The following NLRP1 variants were observed in gnomAD, a reference collection of about 807,000 sequenced individuals.
NLRP1 encodes NLR family pyrin domain containing 1.
Under a neutral mutation model 136.7 loss-of-function variants are expected in NLRP1, and 94 were observed. That is an observed-to-expected ratio of 0.69 (90% CI 0.58 to 0.82). The LOEUF is 0.82. Among genes scored for constraint, NLRP1 ranks in the 40% least tolerant of loss-of-function variants. NLRP1 has a pLI of 0.00. For missense variants in NLRP1, 1,575 were observed against 1,802.7 expected (o/e 0.87, Z 2.29); for synonymous variants, 690 against 725.1 (o/e 0.95, Z 0.78).
chr17:5,578,114 A>G (rs1046674572), intron 3 of NLRP1, among the ~76,000 whole-genome samples: 2 of 152,242 alleles, frequency 1.3e-5, no homozygotes, highest in African/African-American at 4.8e-5. Flanking sequence ...TTAATTCAAG[A>G]TGGATTAAAG....
chr17:5,542,084 A>C, intron 5 of NLRP1, 57 bp from the exon 6 acceptor site: 2 of 1,528,792 alleles, frequency 1.3e-6, no homozygotes, highest in Non-Finnish European at 1.8e-6. Flanking sequence ...TTCAACAGAC[A>C]CCCATAAGCA....
chr17:5,515,232 AGT>A (rs369801786), intron 16 of NLRP1, among the ~76,000 whole-genome samples, 159 bp from the exon 17 acceptor site: 136 of 152,236 alleles, frequency 8.9e-4, no homozygotes, highest in Middle Eastern at 3.4e-3. Flanking sequence ...ATTCTGCCAG[AGT>A]GGGGATCGGG....
At chr17:5,570,651 C>T (rs1447592846) in intron 3 of NLRP1, among the ~76,000 whole-genome samples, 1 of 152,048 alleles carries the variant, frequency 6.6e-6, no homozygotes, top group African/African-American at 2.4e-5. Flanking sequence ...CAGCTGAATT[C>T]TACCAGACAC....
intron 15 of NLRP1, chr17:5,502,156 T>C (rs1042907360): frequency 3.7e-5 from 13 of 353,044 alleles, no homozygotes; most frequent in Non-Finnish European, 6.0e-5. Flanking sequence ...GAATGAATGA[T>C]GCAGTGAATA....
At chr17:5,533,549 C>CTTTTTTTTTTTTTTT (rs1910600637) in intron 9 of NLRP1, among the ~76,000 whole-genome samples, 165 bp from the exon 10 acceptor site, 3 of 116,546 alleles carry the variant, frequency 2.6e-5, no homozygotes, top group African/African-American at 3.3e-5. Flanking sequence ...GAGTGAGACT[C>CTTTTTTTTTTTTTTT]TGTTTTTTTT....
Position 5,532,889 on chromosome 17 carries a change from C to T in NLRP1, c.3229G>A (p.Asp1077Asn), listed in dbSNP as rs754009366. The T allele has an allele frequency of 8.1e-6, 13 of 1,613,678 alleles. No individual in the cohort carries two copies. The highest frequency in any genetic ancestry group is 2.7e-5 in the African/African-American group (2 of 74,938). ...GGCCCCGTGGGGCCCCAGAAGTCAT[C>T]GTCAGTCCCCAAAGGCTTCGTATGC... ...DLHTKPLGTD[D>N]DFWGPTGPVA... Residue 1077 changes from aspartate to asparagine, a missense_variant, in exon 11 of 17, where the codon GAT (aspartate) becomes AAT (asparagine). Transcript: ENST00000572272.
At chr17:5,523,513 T>G (rs1909160600) in intron 12 of NLRP1, among the ~76,000 whole-genome samples, 1 of 152,134 alleles carries the variant, frequency 6.6e-6, no homozygotes, top group African/African-American at 2.4e-5. Context: ...AGTCTATGAG[T>G]TAGTCAATAA....
At chr17:5,561,090 C>T (rs1003976854) in intron 3 of NLRP1, among the ~76,000 whole-genome samples, 2 of 152,202 alleles carry the variant, frequency 1.3e-5, no homozygotes, top group African/African-American at 4.8e-5. Flanking sequence ...GAGTTTCTCT[C>T]TTGTCACCCA....
At chr17:5,569,928 A>G (rs756463255) in intron 3 of NLRP1, among the ~76,000 whole-genome samples, 3 of 152,206 alleles carry the variant, frequency 2.0e-5, no homozygotes, top group Non-Finnish European at 2.9e-5. Context: ...CTCTTGGACC[A>G]CTGCACAATT....
Position 5,514,572 on chromosome 17 carries a change from G to A in NLRP1, c.*182C>T. On this transcript the variant is annotated 3_prime_UTR_variant, in exon 17 of 17. Coordinates refer to ENST00000572272, the MANE Select transcript of NLRP1 (RefSeq NM_033004.4). ...GAGATGCTGTTAGGCCACCTGGACTGGGGCCCCCTGTGGCATCCCTGGCAT... is the reference window on the plus strand; with the variant it reads ...GAGATGCTGTTAGGCCACCTGGACTAGGGCCCCCTGTGGCATCCCTGGCAT... 1 of 1,437,994 alleles carries A rather than the reference G, an allele frequency of 7.0e-7. No homozygotes were observed. The highest frequency in any genetic ancestry group is 1.5e-5 in the South Asian group (1 of 66,678). 89.1% of individuals were successfully genotyped at this position (1,437,994 alleles called of 1,614,324 possible).
intron 2 of NLRP1, 54 bp from the exon 3 acceptor site, chr17:5,582,116 G>C: frequency 7.2e-7 from 1 of 1,393,686 alleles, no homozygotes; most frequent in East Asian, 2.4e-5. Context: ...TTTTCTTTTA[G>C]GTGCATATAT....
At chr17:5,555,017 T>TCTCACACACA (rs1028827154) in intron 4 of NLRP1, among the ~76,000 whole-genome samples, 3 of 142,344 alleles carry the variant, frequency 2.1e-5, no homozygotes, top group Non-Finnish European at 3.1e-5. Context: ...TGAGATCCCA[T>TCTCACACACA]CACACACACA....
chr17:5,561,426 G>GTTTTT (rs61194384), intron 3 of NLRP1, among the ~76,000 whole-genome samples: 2 of 50,426 alleles, frequency 4.0e-5, no homozygotes, highest in African/African-American at 9.3e-5. Context: ...ATGCCATGTG[G>GTTTTT]TTTTTTTTTT....
chr17:5,584,315 T>C lies in NLRP1; in HGVS notation c.-358A>G. The C allele has an allele frequency of 3.3e-6, 1 of 306,192 alleles. No homozygotes were observed. The highest frequency in any genetic ancestry group is 6.2e-6 in the Non-Finnish European group (1 of 160,218). 19.0% of individuals were successfully genotyped at this position (306,192 alleles called of 1,614,324 possible). On this transcript the variant is annotated 5_prime_UTR_variant, in exon 1 of 17. Transcript: ENST00000572272. ...CACTGTTCTGTGTTCCTCAGATTCT[T>C]CCCTCTCCTGGGTCCTGGACTCCTG...
In NLRP1 at chr17:5,521,516, A is replaced by C. The variant is rs920275998; in HGVS notation, c.3783+8T>G. Reference sequence around the variant, plus strand: ...CCGTGGCCCAGCCTTTCTGGCTCTTAGTGTCACCTTCCGAATGGAGCAGTC... The same window carrying C: ...CCGTGGCCCAGCCTTTCTGGCTCTTCGTGTCACCTTCCGAATGGAGCAGTC... On this transcript the variant is annotated splice_region_variant and intron_variant, in intron 13 of 16. Coordinates refer to ENST00000572272, the MANE Select transcript of NLRP1 (RefSeq NM_033004.4). The C allele has an allele frequency of 4.3e-6, 7 of 1,610,508 alleles. No homozygotes were observed. The highest frequency in any genetic ancestry group is 5.9e-6 in the Non-Finnish European group (7 of 1,177,742).
intron 16 of NLRP1, 66 bp downstream of exon 16, chr17:5,515,405 TCC>T: frequency 7.6e-7 from 1 of 1,314,934 alleles, no homozygotes; most frequent in East Asian, 2.3e-5. Flanking sequence ...TCTCTTCCCT[TCC>T]CCCAGAACCA....
chr17:5,569,505 CATCA>C (rs1915655197), intron 3 of NLRP1, among the ~76,000 whole-genome samples: 2 of 152,086 alleles, frequency 1.3e-5, no homozygotes, highest in South Asian at 4.1e-4. Flanking sequence ...TTCAAATCAA[CATCA>C]ATCAAAAAAG....
At position 5,537,587 on chromosome 17, in the gene NLRP1, G is replaced by T. The variant is rs1253516646; in HGVS notation, c.2871-647C>A. Reference sequence around the variant, plus strand: ...ATCAATCCTGCCCTGCCTGTTCTGAGGCCCAGACAAGGAGGCGGTGAAAAG... The same window carrying T: ...ATCAATCCTGCCCTGCCTGTTCTGATGCCCAGACAAGGAGGCGGTGAAAAG... On this transcript the variant is annotated intron_variant, in intron 7 of 16. Coordinates refer to ENST00000572272, the MANE Select transcript of NLRP1 (RefSeq NM_033004.4). This position sits in a 1 kb window ranked among gnomAD's most constrained non-coding sequence, Gnocchi z 4.5. Among the ~76,000 whole-genome samples the T allele has an allele frequency of 6.6e-6, 1 of 152,174 alleles. No homozygotes were observed. The highest frequency in any genetic ancestry group is 1.5e-5 in the Non-Finnish European group (1 of 68,034).
At chr17:5,579,757 C>T (rs978091854) in intron 3 of NLRP1, among the ~76,000 whole-genome samples, 7 of 152,184 alleles carry the variant, frequency 4.6e-5, no homozygotes, top group African/African-American at 1.7e-4. Context: ...GAGGTCATGC[C>T]TTTGCAGCAA....
Sources: gnomAD v4.1 joint callset for allele counts (sites outside exome capture counted in the v4.1 genomes callset) on GRCh38, gnomAD v4.1.1 for gene constraint, Gnocchi (gnomAD v3.1) non-coding constraint, MANE v1.5 for transcripts, NCBI Gene and HGNC (gene_info 2026-07-23, HGNC 2026-07-21) for gene names.